The following GPC5 variants were observed in gnomAD, a reference collection of about 807,000 sequenced individuals.
GPC5 encodes the protein glypican 5, also known as glypican-5.
In GPC5, 47 loss-of-function variants were observed where a neutral mutation model predicts 53.9. The ratio of observed to expected loss-of-function variants is 0.87; its 90% confidence interval spans 0.69 to 1.11. The LOEUF (loss-of-function observed/expected upper bound fraction) is 1.11. GPC5 is among the 50% of genes most tolerant of loss of function. The pLI is 0.00. For missense variants in GPC5, 748 were observed against 713.1 expected, an observed-to-expected ratio of 1.05 and a Z score of -0.56; for synonymous variants, 286 against 263.3, an observed-to-expected ratio of 1.09 and a Z score of -0.84.
At chr13:92,178,490 CAA>C (rs1204347970) in intron 7 of GPC5, among the ~76,000 whole-genome samples, 1 of 149,866 alleles carries the variant, frequency 6.7e-6, no homozygotes, top group African/African-American at 2.4e-5. Context: ...CTATTAACCT[CAA>C]GTTACTATAT....
At chr13:92,461,108 A>C (rs1878461827) in intron 7 of GPC5, among the ~76,000 whole-genome samples, 1 of 152,242 alleles carries the variant, frequency 6.6e-6, no homozygotes, top group South Asian at 2.1e-4. Context: ...AGAATAAAAA[A>C]TAAATCCTGT....
intron 6 of GPC5, among the ~76,000 whole-genome samples, chr13:92,029,508 G>C (rs370029812): frequency 6.6e-6 from 1 of 152,148 alleles, no homozygotes; most frequent in African/African-American, 2.4e-5. Flanking sequence ...ACAACTTCTC[G>C]GGTTCAACAG....
intron 7 of GPC5, among the ~76,000 whole-genome samples, chr13:92,708,171 G>T (rs749678065): frequency 3.3e-5 from 5 of 152,082 alleles, no homozygotes; most frequent in Non-Finnish European, 7.4e-5. Context: ...CAAATCCAAA[G>T]ATATAAGACA....
rs1488595048 is a variant in GPC5 at position 92,860,666 on chromosome 13, T to C, written c.1562-5616T>C. Among the ~76,000 whole-genome samples the C allele has an allele frequency of 5.3e-5, 8 of 152,088 alleles. No homozygotes were observed. In the East Asian group the frequency reaches 1.3e-3, roughly 26 times the overall value. Reference sequence around the variant, plus strand: ...AGTAACTAGTGACCAAAGTTAACAGTTTAAATTTAACATAATAAGATTCGT... The same window carrying C: ...AGTAACTAGTGACCAAAGTTAACAGCTTAAATTTAACATAATAAGATTCGT... On this transcript the variant is annotated intron_variant, in intron 7 of 7. Coordinates refer to ENST00000377067, the MANE Select transcript of GPC5 (RefSeq NM_004466.6).
intron 7 of GPC5, among the ~76,000 whole-genome samples, chr13:92,199,622 T>C (rs2042280516): frequency 6.6e-6 from 1 of 152,228 alleles, no homozygotes; most frequent in Non-Finnish European, 1.5e-5. Context: ...ACTTTGTATG[T>C]TTGGCTATTT....
At chr13:91,917,494 G>A (rs1289548206) in intron 6 of GPC5, among the ~76,000 whole-genome samples, 2 of 152,180 alleles carry the variant, frequency 1.3e-5, no homozygotes, top group African/African-American at 4.8e-5. Context: ...GGAGGCTGGA[G>A]GACAATGGCT....
At chr13:91,555,919 C>T (rs2030920568) in intron 2 of GPC5, among the ~76,000 whole-genome samples, 1 of 151,996 alleles carries the variant, frequency 6.6e-6, no homozygotes, top group South Asian at 2.1e-4. Flanking sequence ...TAGGTCCCTC[C>T]CACAACACAT....
In GPC5 at chr13:91,695,478, A is replaced by G. The variant is rs560518570; in HGVS notation, c.1020+1597A>G. Among the ~76,000 whole-genome samples, 63 of 152,150 alleles carry G rather than the reference A, an allele frequency of 4.1e-4. 1 individual carries two copies. The South Asian group carries it at 0.012, about 30-fold the overall frequency. On this transcript the variant is annotated intron_variant, in intron 3 of 7. Transcript: ENST00000377067. ...AAGCTCCGCCTTCCGGGTTCATGCC[A>G]TTCTCCCGCCTCAGCCTCCCACGTA...
chr13:92,021,942 T>A (rs557174548), intron 6 of GPC5, among the ~76,000 whole-genome samples: 1 of 152,160 alleles, frequency 6.6e-6, no homozygotes, highest in Non-Finnish European at 1.5e-5. Context: ...TTTGCTATAG[T>A]GAGGAACATT....
intron 2 of GPC5, among the ~76,000 whole-genome samples, chr13:91,669,326 G>T (rs535174007): frequency 1.5e-4 from 23 of 152,344 alleles, no homozygotes; most frequent in Non-Finnish European, 2.8e-4. Context: ...AACAGTGATT[G>T]CAGGGAACAA....
At chr13:91,597,522 C>T (rs1009222802) in intron 2 of GPC5, among the ~76,000 whole-genome samples, 7 of 152,048 alleles carry the variant, frequency 4.6e-5, no homozygotes, top group Admixed American at 1.3e-4. Context: ...TGAGTTTTTC[C>T]CATAGTTGTT....
intron 3 of GPC5, among the ~76,000 whole-genome samples, chr13:91,716,777 G>A (rs961227240): frequency 6.6e-6 from 1 of 152,180 alleles, no homozygotes; most frequent in Admixed American, 6.5e-5. Context: ...GTCTCCATGC[G>A]ATCAGAAGGA....
intron 7 of GPC5, among the ~76,000 whole-genome samples, chr13:92,243,776 G>A (rs374486651): frequency 5.3e-5 from 8 of 152,116 alleles, no homozygotes; most frequent in African/African-American, 1.9e-4. Flanking sequence ...ATATAAATTG[G>A]GTTGTCTATA....
intron 7 of GPC5, among the ~76,000 whole-genome samples, chr13:92,308,183 A>G (rs1481613616): frequency 2.0e-5 from 3 of 152,184 alleles, no homozygotes; most frequent in Non-Finnish European, 4.4e-5. Flanking sequence ...AAACGATATG[A>G]TGTTTCAAAC....
intron 7 of GPC5, among the ~76,000 whole-genome samples, chr13:92,746,823 G>C (rs993605963): frequency 6.6e-6 from 1 of 152,060 alleles, no homozygotes; most frequent in African/African-American, 2.4e-5. Context: ...ATACAGTCAT[G>C]CTTTGCTAGG....
At chr13:92,122,248 C>T (rs1168423484) in intron 6 of GPC5, among the ~76,000 whole-genome samples, 2 of 150,376 alleles carry the variant, frequency 1.3e-5, no homozygotes, top group African/African-American at 4.9e-5. Flanking sequence ...CTCTCAGTGA[C>T]GTTTTTATGG....
chr13:92,431,072 A>G (rs938280224), intron 7 of GPC5, among the ~76,000 whole-genome samples: 4 of 152,116 alleles, frequency 2.6e-5, no homozygotes, highest in Admixed American at 6.6e-5. Flanking sequence ...TCCCAAACCA[A>G]TTACTCTACT....
chr13:92,316,701 A>G (rs2043181633), intron 7 of GPC5, among the ~76,000 whole-genome samples: 1 of 152,166 alleles, frequency 6.6e-6, no homozygotes, highest in Non-Finnish European at 1.5e-5. Context: ...CATTTAATAA[A>G]GCAACTCAAG....
chr13:92,124,877 G>A (rs576275088), intron 6 of GPC5, among the ~76,000 whole-genome samples: 4 of 152,300 alleles, frequency 2.6e-5, no homozygotes, highest in African/African-American at 4.8e-5. Flanking sequence ...CAGCTCTCAT[G>A]TTTCTGATTC....
Sources: gnomAD v4.1 joint callset for allele counts (sites outside exome capture counted in the v4.1 genomes callset) on GRCh38, gnomAD v4.1.1 for gene constraint, MANE v1.5 for transcripts, NCBI Gene and HGNC (gene_info 2026-07-23, HGNC 2026-07-21) for gene names.